MBD1: variants seen among roughly 807,000 people sequenced by gnomAD.
The protein encoded by MBD1 is methyl-CpG binding domain protein 1, also known as methyl-CpG-binding domain protein 1.
Under a neutral mutation model 82.6 loss-of-function variants are expected in MBD1, and 25 were observed. The observed-to-expected ratio is 0.30, with a 90% confidence interval of 0.22 to 0.42. MBD1 has a LOEUF of 0.42. Ranked by LOEUF, MBD1 falls within the 10% of genes least tolerant of loss-of-function variation. The probability of loss-of-function intolerance (pLI) is 1.00; values close to 1 mark genes in which losing one functional copy is unlikely to be tolerated. For missense variants in MBD1, 627 were observed against 819.6 expected (o/e 0.76, Z 2.87); for synonymous variants, 301 against 303.7 (o/e 0.99, Z 0.09).
chr18:50,276,346 A>G (rs1385335323), intron 6 of MBD1, 32 bp downstream of exon 6: 10 of 1,607,762 alleles, frequency 6.2e-6, no homozygotes, highest in Non-Finnish European at 7.7e-6. Context: ...CTCCCACTGC[A>G]GAGTTGTGAA....
chr18:50,274,489 A>T, intron 10 of MBD1, 136 bp from the exon 11 acceptor site: 1 of 903,986 alleles, frequency 1.1e-6, no homozygotes, highest in South Asian at 1.7e-5. Flanking sequence ...CAGCCTCCTG[A>T]CTCCCCACTA....
rs1482216540 is a variant in MBD1, at chr18:50,269,508, G to T, written c.*343C>A. 1.4e-6 allele frequency: 1 copy of T among 715,758 alleles called. No individual in the cohort carries two copies. The highest frequency in any genetic ancestry group is 1.5e-5 in the South Asian group (1 of 66,856). 44.3% of individuals were successfully genotyped at this position (715,758 alleles called of 1,614,324 possible). On this transcript the variant is annotated 3_prime_UTR_variant, in exon 17 of 17. Coordinates refer to ENST00000269468, the MANE Select transcript of MBD1 (RefSeq NM_015846.4). ...GTTGTTGCAGTTCACACGTTGCCAT[G>T]TATCTGCTAGATCACCTCGTTGGTG...
chr18:50,270,234 A>C, intron 16 of MBD1: 2 of 1,388,826 alleles, frequency 1.4e-6, no homozygotes, highest in South Asian at 2.3e-5. Context: ...TGAATTACTT[A>C]AAGCTGCAGG....
chr18:50,281,225 G>A (rs778956247), intron 1 of MBD1, 138 bp downstream of exon 1: 1 of 1,533,766 alleles, frequency 6.5e-7, no homozygotes, highest in East Asian at 2.5e-5. Context: ...ATTTCTCCTC[G>A]TCAGTATTCC....
At chr18:50,270,078 G>A (rs752570437) in intron 16 of MBD1, 2 of 1,597,722 alleles carry the variant, frequency 1.3e-6, no homozygotes, top group African/African-American at 1.3e-5. Context: ...GGGTTGGGTG[G>A]TTGGTTCCTG....
chr18:50,275,301 A>G lies in MBD1; in HGVS notation c.793-56T>C, dbSNP rs1369640373. ...TTGGTGGCACCAGGCAGACACAGAAACTCCCCACACCCTAAGTGCAGAAAG... is the reference window on the plus strand; with the variant it reads ...TTGGTGGCACCAGGCAGACACAGAAGCTCCCCACACCCTAAGTGCAGAAAG... On this transcript the variant is annotated intron_variant, in intron 8 of 16. Coordinates refer to ENST00000269468, the MANE Select transcript of MBD1 (RefSeq NM_015846.4). 5.0e-6 allele frequency: 8 copies of G among 1,610,722 alleles called. No homozygotes were observed. In the African/African-American group the frequency reaches 9.4e-5, roughly 19 times the overall value.
chr18:50,271,374 AG>A, intron 16 of MBD1, 94 bp downstream of exon 16: 1 of 1,605,832 alleles, frequency 6.2e-7, no homozygotes, highest in Non-Finnish European at 8.5e-7. Flanking sequence ...TTTTCCTCCT[AG>A]GGTTGATTCA....
intron 10 of MBD1, 24 bp downstream of exon 10, chr18:50,274,953 T>A: frequency 6.2e-7 from 1 of 1,613,194 alleles, no homozygotes; most frequent in Non-Finnish European, 8.5e-7. Context: ...TCTAGGCTTA[T>A]CCAGGTAGGG....
chr18:50,269,481 G>T lies in MBD1; in HGVS notation c.*370C>A. The stretch of plus-strand genomic sequence containing the variant: ...TGGAAGGTTGGTGCTGGGGCACCAG[G>T]CGTTGTTGCAGTTCACACGTTGCCA... On this transcript the variant is annotated 3_prime_UTR_variant, in exon 17 of 17. Coordinates refer to ENST00000269468, the MANE Select transcript of MBD1 (RefSeq NM_015846.4). 1 of 724,010 alleles carries T rather than the reference G, an allele frequency of 1.4e-6. No homozygotes were observed. Among genetic ancestry groups the T allele is most frequent in the Non-Finnish European group, 2.5e-6 (1 of 407,788 alleles). The allele number at this position is 724,010 out of a possible 1,614,324, so 44.8% of individuals were successfully genotyped here. A position where few individuals can be genotyped will look rare whatever the true frequency, so the allele number is the denominator to read the frequency against.
Position 50,276,910 on chromosome 18 carries a change from C to A in MBD1, c.314G>T (p.Gly105Val). The A allele has an allele frequency of 6.2e-7, 1 of 1,614,234 alleles. No homozygotes were observed. Among genetic ancestry groups the A allele is most frequent in the Non-Finnish European group, 8.5e-7 (1 of 1,180,046 alleles). ...CCTCGGGGCCTCCTTCCTGACCTCA[C>A]CACTCTGGGGTCCAACCTGACGTTT... ...TRKRQVGPQS[G>V]EVRKEAPRDE... The change falls in exon 4 of 17, where the codon GGT becomes GTT. Residue 105 changes from glycine to valine, a missense_variant. By Grantham distance (109) the Gly-to-Val change is moderately radical (BLOSUM62 -3). Transcript: ENST00000269468.
intron 8 of MBD1, 150 bp from the exon 9 acceptor site, chr18:50,275,395 G>T: frequency 6.2e-7 from 1 of 1,608,152 alleles, no homozygotes; most frequent in South Asian, 1.1e-5. Context: ...AGCCAGGGGA[G>T]TGCGTCGCTG....
At chr18:50,271,610 CA>C in intron 15 of MBD1, 70 bp from the exon 16 acceptor site, 1 of 1,517,590 alleles carries the variant, frequency 6.6e-7, no homozygotes, top group African/African-American at 1.4e-5. Flanking sequence ...ATTACAAAAC[CA>C]TTTCCTACTA....
chr18:50,268,128 A>G (rs1053702847), downstream of MBD1, among the ~76,000 whole-genome samples: 1 of 152,220 alleles, frequency 6.6e-6, no homozygotes, highest in Admixed American at 6.5e-5. Context: ...TTGATCTTCG[A>G]GTCCAACGGG....
chr18:50,279,368 A>G (rs568277716), intron 2 of MBD1, among the ~76,000 whole-genome samples: 2 of 152,352 alleles, frequency 1.3e-5, no homozygotes, highest in South Asian at 2.1e-4. Context: ...ATTCTGATGC[A>G]TAACATTGAA....
chr18:50,276,229 TC>T lies in MBD1; in HGVS notation c.516+148del, dbSNP rs2037827696. 6 of 879,406 alleles carry T rather than the reference TC, an allele frequency of 6.8e-6. No individual in the cohort carries two copies. In the East Asian group the frequency reaches 1.6e-4, roughly 23 times the overall value. 54.5% of individuals were successfully genotyped at this position (879,406 alleles called of 1,614,324 possible). ...AATGGGGATTAATTACCCCATTAAT[TC>T]CCATTATTGTGTCTGCTGACCTATG... On this transcript the variant is annotated intron_variant, in intron 6 of 16. Transcript: ENST00000269468.
intron 2 of MBD1, among the ~76,000 whole-genome samples, chr18:50,277,491 G>C (rs975274029): frequency 6.7e-5 from 10 of 150,122 alleles, no homozygotes; most frequent in African/African-American, 2.2e-4. Context: ...AACACAAATA[G>C]GAACACAAAT....
At chr18:50,279,831 C>T in intron 2 of MBD1, 52 bp downstream of exon 2, 1 of 1,611,272 alleles carries the variant, frequency 6.2e-7, no homozygotes, top group East Asian at 2.2e-5. Context: ...TTTGATTTTA[C>T]CAGAATCAGG....
Position 50,279,877 on chromosome 18 carries a change from C to A in MBD1, c.110+6G>T, listed in dbSNP as rs1300984215. On this transcript the variant is annotated splice_donor_region_variant and intron_variant, in intron 2 of 16. Coordinates refer to ENST00000269468, the MANE Select transcript of MBD1 (RefSeq NM_015846.4). ...CTCCTGACTCTGCCCACTACCCACC[C>A]AGTACCTCTGGTAATAGGTGTCTGA... 1 of 1,613,884 alleles carries A rather than the reference C, an allele frequency of 6.2e-7. No individual in the cohort carries two copies. The highest frequency in any genetic ancestry group is 8.5e-7 in the Non-Finnish European group (1 of 1,179,978).
Position 50,281,368 on chromosome 18 carries a change from T to A in MBD1, c.-31A>T. 1.3e-6 allele frequency: 1 copy of A among 791,732 alleles called. No individual in the cohort carries two copies. The highest frequency in any genetic ancestry group is 2.1e-6 in the Non-Finnish European group (1 of 479,502). 49.0% of individuals were successfully genotyped at this position (791,732 alleles called of 1,614,324 possible). A position where few individuals can be genotyped will look rare whatever the true frequency, so the allele number is the denominator to read the frequency against. ...CAGCCCCAAGGCTGTCTCACCAGTT[T>A]GGCACCAGGCCGGTATCTTCCGCCA... On this transcript the variant is annotated 5_prime_UTR_variant, in exon 1 of 17. Transcript: ENST00000269468.
Sources: allele counts gnomAD v4.1 joint callset (sites outside exome capture counted in the v4.1 genomes callset), GRCh38; gene constraint gnomAD v4.1.1; transcripts MANE v1.5; gene names NCBI Gene and HGNC (gene_info 2026-07-23, HGNC 2026-07-21).